SLC17A8: variants seen among roughly 807,000 people sequenced by gnomAD.
SLC17A8 encodes vesicular glutamate transporter 3.
In SLC17A8, 31 loss-of-function variants were observed where a neutral mutation model predicts 58.0. The ratio of observed to expected loss-of-function variants is 0.53; its 90% CI spans 0.40 to 0.72. SLC17A8 has a LOEUF of 0.72. SLC17A8 is among the 30% of genes least tolerant of loss of function. The probability of loss-of-function intolerance (pLI) is 0.00; values close to 1 mark genes in which losing one functional copy is unlikely to be tolerated. For missense variants in SLC17A8, 655 were observed against 727.8 expected, an observed-to-expected ratio of 0.90 and a Z score of 1.15; for synonymous variants, 228 against 249.0, an observed-to-expected ratio of 0.92 and a Z score of 0.79.
chr12:100,365,711 G>A (rs184589746), intron 1 of SLC17A8, among the ~76,000 whole-genome samples: 172 of 152,258 alleles, frequency 1.1e-3, no homozygotes, highest in African/African-American at 4.0e-3. Context: ...CCCACGTGAT[G>A]GACCTGTGAT....
intron 1 of SLC17A8, among the ~76,000 whole-genome samples, chr12:100,357,825 A>G (rs921332058): frequency 1.4e-4 from 22 of 152,366 alleles, no homozygotes; most frequent in Middle Eastern, 3.4e-3. Flanking sequence ...TTAACTCATT[A>G]GTAATGACAA....
chr12:100,412,376 A>G (rs899473756), intron 9 of SLC17A8, among the ~76,000 whole-genome samples: 7 of 152,194 alleles, frequency 4.6e-5, no homozygotes, highest in Non-Finnish European at 1.0e-4. Flanking sequence ...ATGAGAACAC[A>G]TGGATACAGG....
chr12:100,364,457 A>C (rs764615039), intron 1 of SLC17A8, among the ~76,000 whole-genome samples: 1 of 152,218 alleles, frequency 6.6e-6, no homozygotes, highest in Non-Finnish European at 1.5e-5. Context: ...GAGCTAGCTC[A>C]GTCCTGGTGA....
chr12:100,403,163 T>C (rs1952803447), intron 8 of SLC17A8, among the ~76,000 whole-genome samples: 1 of 152,176 alleles, frequency 6.6e-6, no homozygotes, highest in Admixed American at 6.5e-5. Context: ...GTAACAATCA[T>C]TGCTTGCAAT....
intron 1 of SLC17A8, among the ~76,000 whole-genome samples, chr12:100,373,825 G>A (rs1159664516): frequency 3.9e-5 from 6 of 151,942 alleles, no homozygotes; most frequent in Non-Finnish European, 8.8e-5. Context: ...CTAATTTCAG[G>A]TGATCCTCTC....
At position 100,387,961 on chromosome 12, in the gene SLC17A8, A is replaced by G. The variant is rs546319516; in HGVS notation, c.355-3040A>G. Among the ~76,000 whole-genome samples the G allele has an allele frequency of 3.8e-4, 58 of 152,332 alleles. No individual in the cohort carries two copies. The South Asian group carries it at 5.6e-3, about 15-fold the overall frequency. ...TTTCATTTCTCTTTGTTTAAAAGCC[A>G]GAGTTCCGGTGATGTCTTAAAGAAC... On this transcript the variant is annotated intron_variant, in intron 2 of 11. Coordinates refer to ENST00000323346, the MANE Select transcript of SLC17A8 (RefSeq NM_139319.3).
intron 9 of SLC17A8, among the ~76,000 whole-genome samples, chr12:100,406,566 C>T (rs558287531): frequency 1.3e-5 from 2 of 150,166 alleles, no homozygotes; most frequent in South Asian, 4.2e-4. Flanking sequence ...GACAGAGTCT[C>T]GCTCTGTTAC....
chr12:100,360,301 A>G (rs1337863977), intron 1 of SLC17A8, among the ~76,000 whole-genome samples: 2 of 152,278 alleles, frequency 1.3e-5, no homozygotes, highest in Admixed American at 6.5e-5. Context: ...GATTTGTTCA[A>G]TTTAAATTAC....
Position 100,391,169 on chromosome 12 carries a change from T to C in SLC17A8, c.473+50T>C, listed in dbSNP as rs1337769135. 3.1e-6 allele frequency: 4 copies of C among 1,307,238 alleles called. No homozygotes were observed. The African/African-American group carries it at 4.4e-5, about 14-fold the overall frequency. 81.0% of individuals were successfully genotyped at this position (1,307,238 alleles called of 1,614,324 possible). A position where few individuals can be genotyped will look rare whatever the true frequency, so the allele number is the denominator to read the frequency against. ...TACAAACCAATGAAATGTGGCTTTG[T>C]ACCTATAAATTCTGCATAGCTGGCT... On this transcript the variant is annotated intron_variant, in intron 3 of 11. Transcript: ENST00000323346.
intron 10 of SLC17A8, among the ~76,000 whole-genome samples, chr12:100,414,878 T>C (rs540884261): frequency 6.6e-6 from 1 of 152,346 alleles, no homozygotes; most frequent in South Asian, 2.1e-4. Context: ...GGGTGGAGCC[T>C]GAGATTCTGC....
chr12:100,388,039 T>C (rs1037403783), intron 2 of SLC17A8, among the ~76,000 whole-genome samples: 7 of 152,160 alleles, frequency 4.6e-5, no homozygotes, highest in African/African-American at 1.7e-4. Context: ...TCCTCCTCAT[T>C]CATTACCCTC....
At position 100,412,832 on chromosome 12, in the gene SLC17A8, A is replaced by G. The variant is rs775426718; in HGVS notation, c.1249A>G (p.Ile417Val). ...CTTTTCGCATACCAAAGGGGTGGCT[A>G]TCTCCTTTCTGGTACTTGCTGTAGG... ...VGFSHTKGVAISFLVLAVGFS... is the reference protein window; with the variant it reads ...VGFSHTKGVAVSFLVLAVGFS... Residue 417 changes from isoleucine to valine, a missense_variant, in exon 10 of 12, where the codon ATC becomes GTC. Coordinates refer to ENST00000323346, the MANE Select transcript of SLC17A8 (RefSeq NM_139319.3). 75 of 1,613,992 alleles carry G rather than the reference A, an allele frequency of 4.6e-5. No individual in the cohort carries two copies. In the Admixed American group the frequency reaches 1.2e-3, roughly 25 times the overall value.
At chr12:100,408,529 GA>G (rs1250983474) in intron 9 of SLC17A8, among the ~76,000 whole-genome samples, 1 of 152,166 alleles carries the variant, frequency 6.6e-6, no homozygotes, top group Non-Finnish European at 1.5e-5. Flanking sequence ...CCCTAAAGTT[GA>G]AATTTTATCC....
chr12:100,418,214 A>C, intron 11 of SLC17A8, 58 bp downstream of exon 11: 1 of 1,610,114 alleles, frequency 6.2e-7, no homozygotes, highest in Non-Finnish European at 8.5e-7. Context: ...GCTCTACACA[A>C]ACTTGAGATT....
At chr12:100,357,601 G>A (rs983015241) in intron 1 of SLC17A8, 109 bp downstream of exon 1, 8 of 769,528 alleles carry the variant, frequency 1.0e-5, no homozygotes, top group Admixed American at 2.0e-5. Flanking sequence ...AGGAGAGGAT[G>A]GGTCAGATTA....
At position 100,402,847 on chromosome 12, in the gene SLC17A8, A is replaced by T. The variant is rs554089411; in HGVS notation, c.1053+102A>T. On this transcript the variant is annotated intron_variant, in intron 8 of 11. Coordinates refer to ENST00000323346, the MANE Select transcript of SLC17A8 (RefSeq NM_139319.3). ...ATAATTAAATTGCTGATCATAATTC[A>T]TAACAGTTCTGTGACACCTAATAGC... 17 of 1,247,588 alleles carry T rather than the reference A, an allele frequency of 1.4e-5. No homozygotes were observed. The South Asian group carries it at 2.5e-4, about 18-fold the overall frequency. The allele number at this position is 1,247,588 out of a possible 1,614,324, so 77.3% of individuals were successfully genotyped here. A position where few individuals can be genotyped will look rare whatever the true frequency, so the allele number is the denominator to read the frequency against.
At chr12:100,369,253 G>A (rs948073846) in intron 1 of SLC17A8, among the ~76,000 whole-genome samples, 1 of 152,142 alleles carries the variant, frequency 6.6e-6, no homozygotes, top group African/African-American at 2.4e-5. Flanking sequence ...TCCAGCCTGG[G>A]CAACAGAGCA....
At chr12:100,404,657 T>C (rs1237116316) in intron 9 of SLC17A8, among the ~76,000 whole-genome samples, 1 of 152,236 alleles carries the variant, frequency 6.6e-6, no homozygotes, top group Non-Finnish European at 1.5e-5. Context: ...ACAATGTTCA[T>C]GAGTGCTTTT....
chr12:100,375,926 A>C (rs1952591840), intron 1 of SLC17A8, among the ~76,000 whole-genome samples: 1 of 152,196 alleles, frequency 6.6e-6, no homozygotes, highest in African/African-American at 2.4e-5. Flanking sequence ...GTGAAATTCT[A>C]ACCCTCAGTA....
Sources: allele counts gnomAD v4.1 joint callset (sites outside exome capture counted in the v4.1 genomes callset), GRCh38; gene constraint gnomAD v4.1.1; transcripts MANE v1.5; gene names NCBI Gene and HGNC (gene_info 2026-07-23, HGNC 2026-07-21).